Variants in CLSTN2 observed in about 807,000 individuals in gnomAD.
CLSTN2 encodes calsyntenin 2.
CLSTN2 carries 48 observed loss-of-function variants against 101.2 expected under a neutral mutation model. The ratio of observed to expected loss-of-function variants is 0.47; its 90% CI spans 0.38 to 0.60. CLSTN2 has a LOEUF of 0.60. CLSTN2 is among the 20% of genes least tolerant of loss of function. The probability of loss-of-function intolerance (pLI) is 0.00; values close to 1 mark genes in which losing one functional copy is unlikely to be tolerated. For synonymous variants in CLSTN2, 481 were observed against 463.6 expected, an observed-to-expected ratio of 1.04 and a Z score of -0.48; for missense variants, 1,160 against 1,238.2, an observed-to-expected ratio of 0.94 and a Z score of 0.95.
intron 1 of CLSTN2, among the ~76,000 whole-genome samples, chr3:139,965,268 C>A (rs1429222434): frequency 6.6e-6 from 1 of 152,174 alleles, no homozygotes; most frequent in African/African-American, 2.4e-5. Context: ...GAGAGCTGAA[C>A]CAACCTCCCT....
intron 4 of CLSTN2, among the ~76,000 whole-genome samples, chr3:140,414,384 C>G (rs899808722): frequency 1.3e-5 from 2 of 151,804 alleles, no homozygotes; most frequent in African/African-American, 4.8e-5. Flanking sequence ...TGAAAGAAAA[C>G]GTAGAAGACA....
chr3:140,272,699 C>T (rs1214126435), intron 2 of CLSTN2, among the ~76,000 whole-genome samples: 1 of 152,152 alleles, frequency 6.6e-6, no homozygotes. Context: ...TTGCAGTGAG[C>T]CGAGTTTGTG....
intron 1 of CLSTN2, among the ~76,000 whole-genome samples, chr3:140,133,621 T>TG (rs1165015702): frequency 1.3e-5 from 2 of 152,148 alleles, no homozygotes; most frequent in South Asian, 2.1e-4. Flanking sequence ...ATTGCAGAGG[T>TG]GGGGGGGCCA....
chr3:140,468,527 C>G (rs1227299177), intron 8 of CLSTN2, among the ~76,000 whole-genome samples: 1 of 152,180 alleles, frequency 6.6e-6, no homozygotes, highest in Non-Finnish European at 1.5e-5. Context: ...ACATTCCAAA[C>G]TACCCTGATC....
At chr3:140,334,565 G>A (rs568673623) in intron 2 of CLSTN2, among the ~76,000 whole-genome samples, 8 of 152,318 alleles carry the variant, frequency 5.3e-5, no homozygotes, top group South Asian at 2.1e-4. Context: ...CCACCTTACA[G>A]CACCTTATGA....
At chr3:140,468,967 G>T (rs578711) in intron 8 of CLSTN2, among the ~76,000 whole-genome samples, 60,294 of 151,620 alleles carry the variant, frequency 0.4, 13,032 homozygotes, top group African/African-American at 0.59. Flanking sequence ...GTTAAAGGTG[G>T]TAGGAAGTAC....
intron 2 of CLSTN2, among the ~76,000 whole-genome samples, chr3:140,377,266 G>T (rs2087927668): frequency 6.6e-6 from 1 of 152,210 alleles, no homozygotes; most frequent in Admixed American, 6.5e-5. Flanking sequence ...AGCACACACA[G>T]AAGGTATAGG....
chr3:140,078,330 G>A (rs1385800614), intron 1 of CLSTN2, among the ~76,000 whole-genome samples: 1 of 152,220 alleles, frequency 6.6e-6, no homozygotes. Flanking sequence ...CATGGAGCTG[G>A]TCAATGCACG....
At chr3:140,363,690 G>A (rs1181374423) in intron 2 of CLSTN2, among the ~76,000 whole-genome samples, 1 of 152,150 alleles carries the variant, frequency 6.6e-6, no homozygotes, top group Non-Finnish European at 1.5e-5. Context: ...AAAGAGGTAG[G>A]ATGGTGGTGA....
chr3:140,271,867 G>A (rs536965333), intron 2 of CLSTN2, among the ~76,000 whole-genome samples: 2 of 152,362 alleles, frequency 1.3e-5, no homozygotes, highest in East Asian at 3.9e-4. Flanking sequence ...GACACCAGAT[G>A]TGTAGGTTCT....
In CLSTN2 at chr3:140,562,926, G is replaced by A. The variant is rs35951028; in HGVS notation, c.2328G>A (p.Gly776=). 4.2e-3 allele frequency: 6,730 copies of A among 1,614,118 alleles called. 235 individuals are homozygous for A. The African/African-American group carries it at 0.076, about 18-fold the overall frequency. Residue 776 remains glycine, a synonymous_variant, in exon 14 of 17, where the codon GGG becomes GGA. Transcript: ENST00000458420. The part of the protein sequence containing the change: ...RFRIKCSELN[G]RYTSNEFNLE... Reference sequence around the variant, plus strand: ...GGATTAAGTGCTCAGAACTCAATGGGCGCTACACTAGCAATGAGTTCAACT... The same window carrying A: ...GGATTAAGTGCTCAGAACTCAATGGACGCTACACTAGCAATGAGTTCAACT...
At chr3:140,305,721 T>A (rs918508327) in intron 2 of CLSTN2, among the ~76,000 whole-genome samples, 2 of 152,016 alleles carry the variant, frequency 1.3e-5, no homozygotes, top group Middle Eastern at 3.2e-3. Flanking sequence ...TTCAGACTCT[T>A]GAAAAATATT....
intron 1 of CLSTN2, among the ~76,000 whole-genome samples, chr3:139,968,558 G>T (rs375640949): frequency 1.5e-3 from 226 of 152,280 alleles, no homozygotes; most frequent in African/African-American, 5.1e-3. Flanking sequence ...GAGTGAGAAG[G>T]CCCTCACCAG....
chr3:140,070,266 T>C (rs1278675386), intron 1 of CLSTN2, among the ~76,000 whole-genome samples: 1 of 152,226 alleles, frequency 6.6e-6, no homozygotes, highest in Non-Finnish European at 1.5e-5. Flanking sequence ...AGACGTAGAC[T>C]CTCTTCCTAG....
chr3:140,349,624 C>G (rs2087585133), intron 2 of CLSTN2, among the ~76,000 whole-genome samples: 1 of 152,122 alleles, frequency 6.6e-6, no homozygotes, highest in Admixed American at 6.5e-5. Context: ...ATCGCCAGAT[C>G]TAAAATCTGT....
intron 2 of CLSTN2, among the ~76,000 whole-genome samples, chr3:140,350,613 G>T (rs2087595343): frequency 6.6e-6 from 1 of 152,184 alleles, no homozygotes; most frequent in Non-Finnish European, 1.5e-5. Context: ...TTTATTCATT[G>T]CTTGCTAGAA....
chr3:140,266,865 A>T (rs1312764982), intron 2 of CLSTN2, among the ~76,000 whole-genome samples: 1 of 152,226 alleles, frequency 6.6e-6, no homozygotes, highest in African/African-American at 2.4e-5. Context: ...GGCAAGCACG[A>T]AAAGAGCTAT....
chr3:140,101,829 T>A (rs2008971131), intron 1 of CLSTN2, among the ~76,000 whole-genome samples: 1 of 152,144 alleles, frequency 6.6e-6, no homozygotes, highest in African/African-American at 2.4e-5. Flanking sequence ...TGCTTTTAAC[T>A]GCGCTGGCCC....
chr3:140,524,302 TAGA>T (rs775790024), intron 8 of CLSTN2, among the ~76,000 whole-genome samples: 1 of 152,204 alleles, frequency 6.6e-6, no homozygotes, highest in Non-Finnish European at 1.5e-5. Flanking sequence ...GTACACCATT[TAGA>T]AGATGATTCT....
Sources: gnomAD v4.1 joint callset for allele counts (sites outside exome capture counted in the v4.1 genomes callset) on GRCh38, gnomAD v4.1.1 for gene constraint, MANE v1.5 for transcripts, NCBI Gene and HGNC (gene_info 2026-07-23, HGNC 2026-07-21) for gene names.